The following TNFSF4 variants were observed in gnomAD, a reference collection of about 807,000 sequenced individuals.
TNFSF4 encodes tumor necrosis factor ligand superfamily member 4.
Under a neutral mutation model 7.3 loss-of-function variants are expected in TNFSF4, and 4 were observed. The observed-to-expected ratio is 0.55, with a 90% CI of 0.27 to 1.25. TNFSF4 has a LOEUF of 1.25. Ranked by LOEUF, TNFSF4 falls within the 50% of genes most tolerant of loss-of-function variation. The pLI is 0.12. For synonymous variants in TNFSF4, 76 were observed against 83.7 expected, an observed-to-expected ratio of 0.91 and a Z score of 0.50; for missense variants, 181 against 208.8, an observed-to-expected ratio of 0.87 and a Z score of 0.82.
At chr1:173,288,348 A>G in the TNFSF4 span, among the ~76,000 whole-genome samples, 1 of 152,116 alleles carries the variant, frequency 6.6e-6, no homozygotes, top group Non-Finnish European at 1.5e-5. Flanking sequence ...AAGCGGGAGG[A>G]CTGCTTGAGC....
At chr1:173,402,919 C>T in the TNFSF4 span, among the ~76,000 whole-genome samples, 1 of 152,022 alleles carries the variant, frequency 6.6e-6, no homozygotes, top group East Asian at 1.9e-4. Flanking sequence ...GTGGCACAAT[C>T]ACGGCTCACC....
the TNFSF4 span, among the ~76,000 whole-genome samples, chr1:173,240,181 TTAAGAA>T: frequency 2.5e-4 from 38 of 152,308 alleles, 1 homozygote; most frequent in East Asian, 6.5e-3. Flanking sequence ...TTTTTATTTC[TTAAGAA>T]TAAGTACACA....
At chr1:173,206,204 T>A (rs1422731551) in intron 1 of TNFSF4, among the ~76,000 whole-genome samples, 1 of 152,084 alleles carries the variant, frequency 6.6e-6, no homozygotes, top group African/African-American at 2.4e-5. Flanking sequence ...AGAGTATAGA[T>A]TTATTTTTCT....
intron 2 of TNFSF4, 165 bp downstream of exon 2, chr1:173,188,356 T>C: frequency 1.6e-6 from 1 of 620,066 alleles, no homozygotes; most frequent in Non-Finnish European, 2.9e-6. Flanking sequence ...TACATCTGTA[T>C]CCCTAATGAA....
At chr1:173,407,559 CAAAAAAAAA>C in the TNFSF4 span, among the ~76,000 whole-genome samples, 1 of 72,066 alleles carries the variant, frequency 1.4e-5, no homozygotes, top group African/African-American at 5.7e-5. Context: ...GACTCTGCCT[CAAAAAAAAA>C]AAAAAAAAAA....
the TNFSF4 span, among the ~76,000 whole-genome samples, chr1:173,338,088 C>A: frequency 6.6e-6 from 1 of 152,158 alleles, no homozygotes; most frequent in Non-Finnish European, 1.5e-5. Context: ...CAAGGCCTAG[C>A]TGAAGACAAC....
chr1:173,354,904 G>A, the TNFSF4 span, among the ~76,000 whole-genome samples: 1 of 152,160 alleles, frequency 6.6e-6, no homozygotes, highest in African/African-American at 2.4e-5. Flanking sequence ...TCCTATTGCT[G>A]CTATAATAAA....
downstream of TNFSF4, among the ~76,000 whole-genome samples, chr1:173,182,253 T>C (rs1048891958): frequency 2.0e-5 from 3 of 152,176 alleles, no homozygotes; most frequent in African/African-American, 7.2e-5. Flanking sequence ...AAAAATAAGG[T>C]ATTTTTATGA....
At chr1:173,201,718 T>C (rs955704250) in intron 1 of TNFSF4, among the ~76,000 whole-genome samples, 3 of 152,214 alleles carry the variant, frequency 2.0e-5, no homozygotes, top group East Asian at 1.9e-4. Context: ...TGATGTTTTA[T>C]AGCTTTGTAT....
At chr1:173,378,296 C>T in the TNFSF4 span, among the ~76,000 whole-genome samples, 1 of 150,836 alleles carries the variant, frequency 6.6e-6, no homozygotes, top group Non-Finnish European at 1.5e-5. Flanking sequence ...GGGACCATTG[C>T]AGGTTCTTGG....
chr1:173,377,578 A>T, the TNFSF4 span, among the ~76,000 whole-genome samples: 1 of 152,114 alleles, frequency 6.6e-6, no homozygotes, highest in Non-Finnish European at 1.5e-5. Flanking sequence ...TTGTCAGACA[A>T]ACTTCCTCTT....
downstream of TNFSF4, among the ~76,000 whole-genome samples, chr1:173,183,349 C>A (rs921127021): frequency 2.0e-5 from 3 of 152,160 alleles, no homozygotes; most frequent in Non-Finnish European, 4.4e-5. Context: ...TGTGGCCAGA[C>A]TATGCTACAC....
chr1:173,193,621 C>T (rs1439477127), intron 1 of TNFSF4, among the ~76,000 whole-genome samples: 1 of 152,004 alleles, frequency 6.6e-6, no homozygotes. Context: ...TTTAATATTC[C>T]ATTCCTTATG....
At chr1:173,202,990 C>T (rs1650011065) in intron 1 of TNFSF4, among the ~76,000 whole-genome samples, 2 of 152,046 alleles carry the variant, frequency 1.3e-5, no homozygotes, top group South Asian at 4.1e-4. Context: ...TTCCCATTGT[C>T]CCTTGAGCAT....
chr1:173,205,289 TTC>T (rs1231722203), intron 1 of TNFSF4: 1 of 1,611,534 alleles, frequency 6.2e-7, no homozygotes, highest in Non-Finnish European at 8.5e-7. Context: ...TAGAAGCTAA[TTC>T]TCCCCTAGAG....
the TNFSF4 span, among the ~76,000 whole-genome samples, chr1:173,224,405 C>T: frequency 6.6e-6 from 1 of 152,170 alleles, no homozygotes; most frequent in African/African-American, 2.4e-5. Context: ...GGAAGTGATG[C>T]AGCTGGAATG....
At chr1:173,197,887 C>T (rs991137486) in intron 1 of TNFSF4, among the ~76,000 whole-genome samples, 1 of 152,044 alleles carries the variant, frequency 6.6e-6, no homozygotes, top group African/African-American at 2.4e-5. Context: ...CATAAATGTG[C>T]AGCTTTAGTT....
chr1:173,308,285 C>CTCTG, the TNFSF4 span, among the ~76,000 whole-genome samples: 345 of 135,080 alleles, frequency 2.6e-3, 3 homozygotes, highest in East Asian at 0.034. Context: ...CTCTCTCTCT[C>CTCTG]TGTGTGTGTG....
the TNFSF4 span, among the ~76,000 whole-genome samples, chr1:173,266,265 CT>C: frequency 6.6e-6 from 1 of 152,080 alleles, no homozygotes; most frequent in African/African-American, 2.4e-5. Context: ...GTAGAAACAG[CT>C]TTTGCAAACA....
Sources: allele counts gnomAD v4.1 joint callset (sites outside exome capture counted in the v4.1 genomes callset), GRCh38; gene constraint gnomAD v4.1.1; transcripts MANE v1.5; gene names NCBI Gene and HGNC (gene_info 2026-07-23, HGNC 2026-07-21).